ALDH8A1: variants seen among roughly 807,000 people sequenced by gnomAD.
ALDH8A1 encodes aldehyde dehydrogenase 8 family member A1.
Under a neutral mutation model 43.3 loss-of-function variants are expected in ALDH8A1, and 39 were observed. The observed-to-expected ratio is 0.90, with a 90% confidence interval of 0.70 to 1.18. ALDH8A1 has a LOEUF of 1.18. Among genes scored for constraint, ALDH8A1 ranks in the 50% most tolerant of loss-of-function variants. The pLI is 0.00. For synonymous variants in ALDH8A1, 233 were observed against 243.5 expected (o/e 0.96, Z 0.40); for missense variants, 605 against 622.6 (o/e 0.97, Z 0.30).
chr6:134,931,522 T>A (rs1353960746), intron 5 of ALDH8A1, among the ~76,000 whole-genome samples: 1 of 152,202 alleles, frequency 6.6e-6, no homozygotes, highest in Non-Finnish European at 1.5e-5. Context: ...CACCTCGGCC[T>A]CCCAAAGTGC....
intron 4 of ALDH8A1, among the ~76,000 whole-genome samples, chr6:134,934,857 G>A (rs967556740): frequency 6.6e-6 from 1 of 152,226 alleles, no homozygotes; most frequent in African/African-American, 2.4e-5. Context: ...GGGTAGCAGA[G>A]TCTTGTGATA....
Position 134,929,225 on chromosome 6 carries a change from A to G in ALDH8A1, c.850-10T>C, listed in dbSNP as rs773236195. 10 of 1,613,552 alleles carry G rather than the reference A, an allele frequency of 6.2e-6. 1 individual carries two copies. In the South Asian group the frequency reaches 1.1e-4, roughly 18 times the overall value. ...AGAGACAGATTTCACCCTGCCAAGA[A>G]TGAGAACAGGGATAAGGCTGCGGAC... On this transcript the variant is annotated splice_polypyrimidine_tract_variant and intron_variant, in intron 5 of 6. Transcript: ENST00000265605.
chr6:134,938,449 T>G (rs1293189311), intron 4 of ALDH8A1, among the ~76,000 whole-genome samples: 7 of 152,106 alleles, frequency 4.6e-5, no homozygotes, highest in African/African-American at 1.7e-4. Flanking sequence ...GAAGAGGCCA[T>G]ATTGTATTAG....
chr6:134,943,413 A>G (rs1010109684), intron 2 of ALDH8A1, among the ~76,000 whole-genome samples: 12 of 152,342 alleles, frequency 7.9e-5, no homozygotes, highest in Admixed American at 1.3e-4. Context: ...AACATCCTAA[A>G]TAATCTGACT....
In ALDH8A1 at chr6:134,918,374, C is replaced by A; in HGVS notation, c.*41G>T. On this transcript the variant is annotated 3_prime_UTR_variant, in exon 7 of 7. Coordinates refer to ENST00000265605, the MANE Select transcript of ALDH8A1 (RefSeq NM_022568.4). ...TACCACATTGAACAACTGATGCCTG[C>A]AGCCAGGCATTGGCCATAGTGGCTC... The A allele has an allele frequency of 6.4e-7, 1 of 1,550,548 alleles. No individual in the cohort carries two copies. Among genetic ancestry groups the A allele is most frequent in the Non-Finnish European group, 8.8e-7 (1 of 1,130,436 alleles).
intron 6 of ALDH8A1, 67 bp from the exon 7 acceptor site, chr6:134,918,934 T>G: frequency 6.6e-7 from 1 of 1,503,922 alleles, no homozygotes; most frequent in Non-Finnish European, 9.1e-7. Flanking sequence ...AGCAGAAAAT[T>G]CAATGTTTTC....
intron 3 of ALDH8A1, among the ~76,000 whole-genome samples, chr6:134,941,694 TTTG>T (rs1237822772): frequency 6.6e-6 from 1 of 151,970 alleles, no homozygotes; most frequent in African/African-American, 2.4e-5. Context: ...CCGGTGAATT[TTTG>T]TATTTTTAGT....
rs1002330996 is a variant in ALDH8A1 at position 134,929,330 on chromosome 6, A to G, written c.850-115T>C. The G allele has an allele frequency of 1.6e-5, 17 of 1,081,756 alleles. No homozygotes were observed. The South Asian group carries it at 1.9e-4, about 12-fold the overall frequency. 67.0% of individuals were successfully genotyped at this position (1,081,756 alleles called of 1,614,324 possible). A position where few individuals can be genotyped will look rare whatever the true frequency, so the allele number is the denominator to read the frequency against. On this transcript the variant is annotated intron_variant, in intron 5 of 6. Transcript: ENST00000265605. ...GCACTGGTCTAGGCAATGGGGTACA[A>G]TGGTAAATAAGACAAAGTTCCCACC...
Position 134,921,305 on chromosome 6 carries a change from T to A in ALDH8A1, c.1012-2438A>T, listed in dbSNP as rs180975419. ...TCTTCTGTGCTTCCTCCGGCCTCATTGTAAACCCTCCAGAATTCTCTCCAT... is the reference window on the plus strand; with the variant it reads ...TCTTCTGTGCTTCCTCCGGCCTCATAGTAAACCCTCCAGAATTCTCTCCAT... On this transcript the variant is annotated intron_variant, in intron 6 of 6. Transcript: ENST00000265605. Among the ~76,000 whole-genome samples the A allele has an allele frequency of 3.3e-5, 5 of 152,178 alleles. No homozygotes were observed. In the East Asian group the frequency reaches 9.6e-4, roughly 29 times the overall value.
chr6:134,937,746 G>A (rs1433988947), intron 4 of ALDH8A1, among the ~76,000 whole-genome samples: 8 of 152,170 alleles, frequency 5.3e-5, no homozygotes, highest in African/African-American at 1.7e-4. Context: ...AGTATGTCGC[G>A]CCTTTGCAGA....
intron 4 of ALDH8A1, among the ~76,000 whole-genome samples, chr6:134,937,463 G>C (rs1052571655): frequency 1.3e-5 from 2 of 152,204 alleles, no homozygotes; most frequent in African/African-American, 2.4e-5. Context: ...GAGGAAAGAG[G>C]AGAAGGGCTG....
At chr6:134,924,297 G>A (rs1776851167) in intron 6 of ALDH8A1, among the ~76,000 whole-genome samples, 2 of 152,142 alleles carry the variant, frequency 1.3e-5, no homozygotes, top group East Asian at 3.9e-4. Flanking sequence ...ATACTTGCCT[G>A]ATAACAAAAA....
At chr6:134,923,339 TA>T (rs60780465) in intron 6 of ALDH8A1, among the ~76,000 whole-genome samples, 8 of 148,194 alleles carry the variant, frequency 5.4e-5, no homozygotes, top group African/African-American at 7.4e-5. Flanking sequence ...GAAGGTTTAT[TA>T]AAAAAAAAAG....
At chr6:134,925,669 G>T (rs1776870478) in intron 6 of ALDH8A1, among the ~76,000 whole-genome samples, 1 of 152,194 alleles carries the variant, frequency 6.6e-6, no homozygotes, top group African/African-American at 2.4e-5. Context: ...AACTGACCAA[G>T]AAGCTGACAT....
At position 134,943,942 on chromosome 6, in the gene ALDH8A1, T is replaced by C. The variant is rs1773906717; in HGVS notation, c.163A>G (p.Arg55Gly). 2 of 1,614,026 alleles carry C rather than the reference T, an allele frequency of 1.2e-6. No homozygotes were observed. Among genetic ancestry groups the C allele is most frequent in the African/African-American group, 2.7e-5 (2 of 74,930 alleles). The change falls in exon 2 of 7, where the codon AGA becomes GGA. Residue 55 changes from arginine (R) to glycine (G), a missense_variant. Arg to Gly is a moderately radical substitution (Grantham distance 125). Coordinates refer to ENST00000265605, the MANE Select transcript of ALDH8A1 (RefSeq NM_022568.4). The part of the protein sequence containing the change: ...DEIEAAVKAA[R>G]EAFPSWSSRS... ...GATGACCAGCTGGGAAAGGCTTCTCTGGCGGCCTTGACCGCGGCTTCGATC... is the reference window on the plus strand; with the variant it reads ...GATGACCAGCTGGGAAAGGCTTCTCCGGCGGCCTTGACCGCGGCTTCGATC...
chr6:134,920,742 T>TG (rs34948319), intron 6 of ALDH8A1, among the ~76,000 whole-genome samples: 4 of 152,056 alleles, frequency 2.6e-5, no homozygotes, highest in Admixed American at 6.5e-5. Context: ...CAATAAATTC[T>TG]GGGGGGGAGA....
At position 134,918,714 on chromosome 6, in the gene ALDH8A1, T is replaced by C. The variant is rs1414899197; in HGVS notation, c.1165A>G (p.Thr389Ala). 2.5e-6 allele frequency: 4 copies of C among 1,614,038 alleles called. No individual in the cohort carries two copies. The highest frequency in any genetic ancestry group is 3.4e-6 in the Non-Finnish European group (4 of 1,180,028). Residue 389 changes from threonine to alanine, a missense_variant, in exon 7 of 7, where the codon ACG (threonine) becomes GCG (alanine). Transcript: ENST00000265605. The part of the protein sequence containing the change: ...TDIKDESCCM[T>A]EEIFGPVTCV... Reference sequence around the variant, plus strand: ...GTCACTGGACCAAATATCTCTTCCGTCATGCAGCAGGATTCATCCTTAATG... The same window carrying C: ...GTCACTGGACCAAATATCTCTTCCGCCATGCAGCAGGATTCATCCTTAATG...
At chr6:134,926,491 G>A (rs986355841) in intron 6 of ALDH8A1, among the ~76,000 whole-genome samples, 13 of 151,216 alleles carry the variant, frequency 8.6e-5, no homozygotes, top group Admixed American at 2.0e-4. Flanking sequence ...ATAAGCCACC[G>A]CACCTGGCCA....
At chr6:134,927,498 T>C (rs970105219) in intron 6 of ALDH8A1, among the ~76,000 whole-genome samples, 2 of 151,918 alleles carry the variant, frequency 1.3e-5, no homozygotes, top group African/African-American at 2.4e-5. Flanking sequence ...TTCTCTCTCT[T>C]ACACACACAC....
Sources: allele counts gnomAD v4.1 joint callset (sites outside exome capture counted in the v4.1 genomes callset), GRCh38; gene constraint gnomAD v4.1.1; transcripts MANE v1.5; gene names NCBI Gene and HGNC (gene_info 2026-07-23, HGNC 2026-07-21).